Variants in DHTKD1 observed in about 807,000 individuals in gnomAD.
The protein encoded by DHTKD1 is 2-oxoadipate dehydrogenase complex component E1.
A neutral mutation model predicts 101.8 loss-of-function variants in DHTKD1; 78 were observed. That is an observed-to-expected ratio of 0.77 (90% CI 0.64 to 0.93). The LOEUF is 0.93. Ranked by LOEUF, DHTKD1 falls within the 40% of genes least tolerant of loss-of-function variation. The pLI is 0.00. For missense variants in DHTKD1, 1,223 were observed against 1,161.7 expected, an observed-to-expected ratio of 1.05 and a Z score of -0.77; for synonymous variants, 462 against 450.3, an observed-to-expected ratio of 1.03 and a Z score of -0.33.
intron 10 of DHTKD1, among the ~76,000 whole-genome samples, chr10:12,105,822 G>T (rs1343515817): frequency 6.6e-6 from 1 of 152,068 alleles, no homozygotes; most frequent in Non-Finnish European, 1.5e-5. Context: ...GAGGCCGGGC[G>T]TGGTGGCTCA....
intron 3 of DHTKD1, among the ~76,000 whole-genome samples, chr10:12,086,366 G>A (rs1832898567): frequency 6.6e-6 from 1 of 151,366 alleles, no homozygotes; most frequent in Non-Finnish European, 1.5e-5. Flanking sequence ...GACTACAGGT[G>A]CATGCCATGA....
At chr10:12,069,266 G>C (rs1322976296) in intron 1 of DHTKD1, 79 bp downstream of exon 1, 6 of 1,352,944 alleles carry the variant, frequency 4.4e-6, no homozygotes, top group Non-Finnish European at 5.9e-6. Flanking sequence ...GTGGGGTGTC[G>C]GGGTCGGGGA....
chr10:12,106,431 G>T, intron 11 of DHTKD1, 35 bp downstream of exon 11: 1 of 1,610,150 alleles, frequency 6.2e-7, no homozygotes, highest in South Asian at 1.1e-5. Context: ...TACAGGTGGG[G>T]GTCCCTGCGT....
At chr10:12,119,547 C>T (rs377151844) in intron 15 of DHTKD1, among the ~76,000 whole-genome samples, 11 of 139,806 alleles carry the variant, frequency 7.9e-5, no homozygotes, top group South Asian at 6.7e-4. Flanking sequence ...ACCCGGGAGG[C>T]GGAGCTTGCA....
intron 2 of DHTKD1, 59 bp downstream of exon 2, chr10:12,081,686 C>G (rs1588604274): frequency 6.3e-7 from 1 of 1,596,598 alleles, no homozygotes; most frequent in East Asian, 2.2e-5. Flanking sequence ...AGGCTCCTGC[C>G]TCTGTTCTTG....
intron 9 of DHTKD1, among the ~76,000 whole-genome samples, chr10:12,100,821 T>C (rs933917955): frequency 6.6e-6 from 1 of 152,178 alleles, no homozygotes; most frequent in African/African-American, 2.4e-5. Flanking sequence ...ACTGGAAAGA[T>C]AGTTTTCTCT....
intron 1 of DHTKD1, among the ~76,000 whole-genome samples, chr10:12,071,305 C>T (rs1460486621): frequency 6.6e-6 from 1 of 152,118 alleles, no homozygotes; most frequent in African/African-American, 2.4e-5. Flanking sequence ...GCTCTTTGTT[C>T]TGGGTGGCCA....
At chr10:12,075,491 C>T (rs1832712358) in intron 1 of DHTKD1, among the ~76,000 whole-genome samples, 3 of 152,088 alleles carry the variant, frequency 2.0e-5, no homozygotes, top group East Asian at 3.9e-4. Context: ...CCGTCCGCCT[C>T]GGTCTACCAA....
chr10:12,111,453 A>G (rs1564397763), intron 12 of DHTKD1, among the ~76,000 whole-genome samples: 1 of 152,210 alleles, frequency 6.6e-6, no homozygotes, highest in Non-Finnish European at 1.5e-5. Context: ...GGCATGGGCC[A>G]CCGCGCCAGG....
At chr10:12,093,944 G>C in intron 6 of DHTKD1, 129 bp from the exon 7 acceptor site, 1 of 777,112 alleles carries the variant, frequency 1.3e-6, no homozygotes. Flanking sequence ...CCAAAGCTGG[G>C]GTTGTTAACC....
intron 13 of DHTKD1, 93 bp downstream of exon 13, chr10:12,113,157 C>A: frequency 8.7e-7 from 1 of 1,147,216 alleles, no homozygotes; most frequent in Non-Finnish European, 1.2e-6. Flanking sequence ...ATTTAAATTA[C>A]AGAAACACCT....
chr10:12,118,421 C>T (rs760002055), intron 14 of DHTKD1, among the ~76,000 whole-genome samples: 14 of 140,454 alleles, frequency 1.0e-4, no homozygotes, highest in South Asian at 6.7e-4. Flanking sequence ...CTTGCTCTGT[C>T]GCCCAGGCTG....
At chr10:12,078,761 T>C (rs981371564) in intron 1 of DHTKD1, among the ~76,000 whole-genome samples, 1 of 152,098 alleles carries the variant, frequency 6.6e-6, no homozygotes, top group Non-Finnish European at 1.5e-5. Context: ...CTCACTGCAA[T>C]GTCTACTTCC....
Position 12,117,862 on chromosome 10 carries a change from T to TTTTATTTA in DHTKD1, c.2402+143_2402+150dup, listed in dbSNP as rs781435056. ...GTGATGCAGATCTCCCCTCTCCTAT[T>TTTTATTTA]TTTATTTATTTATTTATTTATTTAT... On this transcript the variant is annotated intron_variant, in intron 14 of 16. Transcript: ENST00000263035. The TTTTATTTA allele has an allele frequency of 3.9e-3, 273 of 70,478 alleles. 3 individuals carry two copies. The highest frequency in any genetic ancestry group is 0.017 in the African/African-American group (262 of 15,196). 4.4% of individuals were successfully genotyped at this position (70,478 alleles called of 1,614,324 possible).
chr10:12,094,111 G>C lies in DHTKD1; in HGVS notation c.1198G>C (p.Asp400His). The C allele has an allele frequency of 6.2e-7, 1 of 1,614,134 alleles. No individual in the cohort carries two copies. The highest frequency in any genetic ancestry group is 8.5e-7 in the Non-Finnish European group (1 of 1,180,020). The stretch of plus-strand genomic sequence containing the variant: ...CTGTGCCATCATCCATGTCAATGGA[G>C]ACAGCCCAGAGGAAGTGGTCCGTGC... ...VGCAIIHVNG[D>H]SPEEVVRATR... is the part of the protein sequence containing the mutation. Residue 400 changes from aspartate (D) to histidine (H), a missense_variant, in exon 7 of 17, where the codon GAC becomes CAC. Physicochemically the swap from Asp to His is moderately conservative, Grantham distance 81. Coordinates refer to ENST00000263035, the MANE Select transcript of DHTKD1 (RefSeq NM_018706.7).
chr10:12,113,127 T>C, intron 13 of DHTKD1, 63 bp downstream of exon 13: 2 of 1,337,280 alleles, frequency 1.5e-6, no homozygotes, highest in East Asian at 5.0e-5. Context: ...CATTTTTCCC[T>C]ATTTTCCATA....
At position 12,122,247 on chromosome 10, in the gene DHTKD1, T is replaced by C. The variant is rs908563254; in HGVS notation, c.*1359T>C. 5.3e-5 allele frequency: 8 copies of C among 152,250 alleles called. No homozygotes were observed. The East Asian group carries it at 9.6e-4, about 18-fold the overall frequency. 9.4% of individuals were successfully genotyped at this position (152,250 alleles called of 1,614,324 possible). A position where few individuals can be genotyped will look rare whatever the true frequency, so the allele number is the denominator to read the frequency against. On this transcript the variant is annotated 3_prime_UTR_variant, in exon 17 of 17. Transcript: ENST00000263035. ...TTTTAACTGTCTGGGGTTTCTGATA[T>C]GGGGATTTCAGCCCCTGGTTAATCA...
In DHTKD1 at chr10:12,121,134, C is replaced by A; in HGVS notation, c.*246C>A. 2.7e-6 allele frequency: 1 copy of A among 371,230 alleles called. No homozygotes were observed. Among genetic ancestry groups the A allele is most frequent in the Non-Finnish European group, 5.2e-6 (1 of 192,286 alleles). 23.0% of individuals were successfully genotyped at this position (371,230 alleles called of 1,614,324 possible). ...TCCTGGGAGGCTGAGGCAAGAGAAT[C>A]GCTTGAATCTGGGAGGCGGAGGTTG... is the stretch of plus-strand genomic sequence containing the variant. On this transcript the variant is annotated 3_prime_UTR_variant, in exon 17 of 17. Coordinates refer to ENST00000263035, the MANE Select transcript of DHTKD1 (RefSeq NM_018706.7).
chr10:12,083,505 C>A (rs1832853912), intron 2 of DHTKD1, among the ~76,000 whole-genome samples: 1 of 152,118 alleles, frequency 6.6e-6, no homozygotes, highest in Non-Finnish European at 1.5e-5. Flanking sequence ...GAGGCCGAGG[C>A]AAGAGGATCA....
Sources: gnomAD v4.1 joint callset for allele counts (sites outside exome capture counted in the v4.1 genomes callset) on GRCh38, gnomAD v4.1.1 for gene constraint, MANE v1.5 for transcripts, NCBI Gene and HGNC (gene_info 2026-07-23, HGNC 2026-07-21) for gene names.